KIAA1549L: variants seen among roughly 807,000 people sequenced by gnomAD.
KIAA1549L encodes the protein KIAA1549 like.
A neutral mutation model predicts 160.7 loss-of-function variants in KIAA1549L; 88 were observed. The ratio of observed to expected loss-of-function variants is 0.55; its 90% CI spans 0.46 to 0.65. KIAA1549L has a LOEUF of 0.65. Among genes scored for constraint, KIAA1549L ranks in the 30% least tolerant of loss-of-function variants. The pLI, the probability that KIAA1549L is intolerant of heterozygous loss-of-function variation, is 0.00. For missense variants in KIAA1549L, 2,258 were observed against 2,437.5 expected, an observed-to-expected ratio of 0.93 and a Z score of 1.55; for synonymous variants, 950 against 976.7, an observed-to-expected ratio of 0.97 and a Z score of 0.51.
intron 9 of KIAA1549L, among the ~76,000 whole-genome samples, chr11:33,571,445 T>C (rs963706811): frequency 1.3e-5 from 2 of 152,176 alleles, no homozygotes; most frequent in South Asian, 4.1e-4. Flanking sequence ...TATCTGAGAC[T>C]GAGTACTTTA....
intron 9 of KIAA1549L, among the ~76,000 whole-genome samples, chr11:33,568,691 C>G (rs1855140624): frequency 1.3e-5 from 2 of 152,112 alleles, no homozygotes; most frequent in African/African-American, 4.8e-5. Flanking sequence ...CAAACAGAAC[C>G]CTCCAAGCTT....
intron 20 of KIAA1549L, among the ~76,000 whole-genome samples, chr11:33,662,855 G>C (rs1317406783): frequency 6.6e-6 from 1 of 152,156 alleles, no homozygotes. Flanking sequence ...CAAGCAAATG[G>C]AAATGTAACC....
In KIAA1549L at chr11:33,583,411, C is replaced by T. The variant is rs1565197366; in HGVS notation, c.4476C>T (p.Val1492=). The T allele has an allele frequency of 1.3e-6, 2 of 1,565,264 alleles. No homozygotes were observed. The highest frequency in any genetic ancestry group is 2.7e-5 in the African/African-American group (2 of 73,812). ...TGGCGCCCATTGCCGTGGTCACGGT[C>T]ATCATCATCATCATCACTGCCGTGC... The part of the protein sequence containing the change: ...AVLAPIAVVT[V]IIIIITAVLC... Residue 1492 remains valine, a synonymous_variant, in exon 11 of 21, where the codon GTC becomes GTT. Transcript: ENST00000658780.
chr11:33,588,873 G>C (rs1479578171), intron 11 of KIAA1549L, among the ~76,000 whole-genome samples: 1 of 152,108 alleles, frequency 6.6e-6, no homozygotes, highest in African/African-American at 2.4e-5. Flanking sequence ...CAGGGAACTG[G>C]GGGAGCTGTC....
In KIAA1549L at chr11:33,668,144, T is replaced by A. The variant is rs879248697; in HGVS notation, c.6431T>A (p.Phe2144Tyr). ...LAKKQTDMFEFQV is the reference protein window; with the variant it reads ...LAKKQTDMFEYQV Reference sequence around the variant, plus strand: ...AAAAAACAGACAGACATGTTTGAGTTCCAGGTCTAACGCCTTAGCCCCGTG... The same window carrying A: ...AAAAAACAGACAGACATGTTTGAGTACCAGGTCTAACGCCTTAGCCCCGTG... The change falls in exon 21 of 21, where the codon TTC becomes TAC. Residue 2144 changes from phenylalanine (F) to tyrosine (Y), a missense_variant. Around this residue, in one of 6 missense-constraint regions of KIAA1549L, gnomAD observed 1,359 missense variants for 1,546.6 expected, o/e 0.88. Transcript: ENST00000658780. The A allele has an allele frequency of 6.2e-7, 1 of 1,613,298 alleles. No individual in the cohort carries two copies. Among genetic ancestry groups the A allele is most frequent in the Non-Finnish European group, 8.5e-7 (1 of 1,179,656 alleles).
chr11:33,422,585 T>TTCCC (rs1851040393), intron 1 of KIAA1549L, among the ~76,000 whole-genome samples: 1 of 131,962 alleles, frequency 7.6e-6, no homozygotes, highest in East Asian at 2.5e-4. Flanking sequence ...CCTTCCTTCC[T>TTCCC]TCCCTCCTTT....
At chr11:33,601,005 T>A (rs1459079027) in intron 13 of KIAA1549L, among the ~76,000 whole-genome samples, 3 of 152,112 alleles carry the variant, frequency 2.0e-5, no homozygotes, top group Non-Finnish European at 4.4e-5. Flanking sequence ...CATTTCTGCT[T>A]GTCTGCCCTC....
chr11:33,408,091 G>A (rs190669520), intron 1 of KIAA1549L, among the ~76,000 whole-genome samples: 12 of 152,114 alleles, frequency 7.9e-5, no homozygotes, highest in Non-Finnish European at 4.4e-5. Flanking sequence ...TTAATTATCC[G>A]CTTTCTGGAG....
intron 1 of KIAA1549L, among the ~76,000 whole-genome samples, chr11:33,489,487 A>G (rs1205293498): frequency 2.0e-5 from 3 of 152,210 alleles, no homozygotes; most frequent in Admixed American, 2.0e-4. Context: ...GAAGGACACA[A>G]ACATTCATTT....
In KIAA1549L at chr11:33,548,841, ACAGCTGCAGT is replaced by A. The variant is rs545242336; in HGVS notation, c.3501+968_3501+977del. ...GCTTCTTCTTTTGATGTTCTGTCCT[ACAGCTGCAGT>A]CAGCTTACTGACCCCCTCCCTCCCA... On this transcript the variant is annotated intron_variant, in intron 4 of 20. Transcript: ENST00000658780. 2.7e-3 allele frequency among the ~76,000 whole-genome samples: 405 copies of A among 152,326 alleles called. 1 individual carries two copies. The highest frequency in any genetic ancestry group is 9.0e-3 in the African/African-American group (376 of 41,558).
chr11:33,562,305 A>G lies in KIAA1549L; in HGVS notation c.4078+570A>G, dbSNP rs141651528. 6.0e-3 allele frequency among the ~76,000 whole-genome samples: 916 copies of G among 152,316 alleles called. 8 individuals carry two copies. Among genetic ancestry groups the G allele is most frequent in the African/African-American group, 0.021 (877 of 41,580 alleles). ...TTGTGTTTTTCAAAAGCCAGACAGT[A>G]GTTTCGGGATTGAGAGCTGAAGAAC... On this transcript the variant is annotated intron_variant, in intron 8 of 20. Transcript: ENST00000658780.
At chr11:33,427,920 C>T (rs1012132161) in intron 1 of KIAA1549L, among the ~76,000 whole-genome samples, 2 of 152,238 alleles carry the variant, frequency 1.3e-5, no homozygotes, top group Admixed American at 1.3e-4. Context: ...TTGCAAGGTT[C>T]ATCCATGTTG....
chr11:33,390,252 A>G (rs1198905495), intron 1 of KIAA1549L, among the ~76,000 whole-genome samples: 2 of 152,130 alleles, frequency 1.3e-5, no homozygotes, highest in East Asian at 3.9e-4. Context: ...GCTTCATGAT[A>G]TTGCCCTCCA....
rs527397682 is a variant in KIAA1549L at position 33,616,344 on chromosome 11, T to G, written c.5280-2189T>G. Among the ~76,000 whole-genome samples, 267 of 152,188 alleles carry G rather than the reference T, an allele frequency of 1.8e-3. 1 individual carries two copies. The highest frequency in any genetic ancestry group is 6.3e-3 in the African/African-American group (261 of 41,508). ...CCAAGAGAACGCCTCTTTCCTAGTT[T>G]CCCTAGCAAAAGCCCTGAGACTCAG... On this transcript the variant is annotated intron_variant, in intron 15 of 20. Transcript: ENST00000658780.
intron 1 of KIAA1549L, among the ~76,000 whole-genome samples, chr11:33,440,199 G>A (rs1351520262): frequency 7.0e-4 from 94 of 133,960 alleles, no homozygotes; most frequent in African/African-American, 2.4e-3. Context: ...GCGGGATCTC[G>A]GCTCATTGCA....
intron 1 of KIAA1549L, among the ~76,000 whole-genome samples, chr11:33,422,088 C>A (rs2134105310): frequency 6.6e-6 from 1 of 152,196 alleles, no homozygotes; most frequent in Non-Finnish European, 1.5e-5. Flanking sequence ...GTCCTATAGC[C>A]AAGCTTGGCC....
chr11:33,403,914 G>A (rs1212426162), intron 1 of KIAA1549L, among the ~76,000 whole-genome samples: 8 of 152,170 alleles, frequency 5.3e-5, no homozygotes, highest in Admixed American at 4.6e-4. Flanking sequence ...GAGACAGGAA[G>A]TTTCTAAGCA....
In KIAA1549L at chr11:33,545,143, C is replaced by T. The variant is rs576740461; in HGVS notation, c.3150C>T (p.Thr1050=). ...YLPRKPQAMH[T]GLPNPTNLEM... ...CCAGGAAACCACAAGCCATGCACACCGGCCTCCCAAACCCCACCAACCTGG... is the reference window on the plus strand; with the variant it reads ...CCAGGAAACCACAAGCCATGCACACTGGCCTCCCAAACCCCACCAACCTGG... The change falls in exon 3 of 21, where the codon ACC becomes ACT. Residue 1050 remains threonine (T), a synonymous_variant. Coordinates refer to ENST00000658780, the MANE Select transcript of KIAA1549L (RefSeq NM_012194.3). The T allele has an allele frequency of 2.9e-5, 46 of 1,614,004 alleles. No individual in the cohort carries two copies. Among genetic ancestry groups the T allele is most frequent in the East Asian group, 2.0e-4 (9 of 44,878 alleles).
At chr11:33,412,845 CTCT>C (rs1850810689) in intron 1 of KIAA1549L, among the ~76,000 whole-genome samples, 1 of 152,170 alleles carries the variant, frequency 6.6e-6, no homozygotes, top group Non-Finnish European at 1.5e-5. Flanking sequence ...TGCTATTTTT[CTCT>C]TCTTTTTAGA....
Sources: allele counts gnomAD v4.1 joint callset (sites outside exome capture counted in the v4.1 genomes callset), GRCh38; gene constraint gnomAD v4.1.1; regional missense constraint gnomAD v4.1.1; transcripts MANE v1.5; gene names NCBI Gene and HGNC (gene_info 2026-07-23, HGNC 2026-07-21).